Variants in GPR137B observed in about 807,000 individuals in gnomAD.
The protein encoded by GPR137B is integral membrane protein GPR137B.
GPR137B carries 42 observed loss-of-function variants against 42.5 expected under a neutral mutation model. That is an observed-to-expected ratio of 0.99 (90% confidence interval 0.77 to 1.28). The LOEUF is 1.28. GPR137B is among the 50% of genes most tolerant of loss of function. GPR137B has a pLI of 0.00. For missense variants in GPR137B, 487 were observed against 493.9 expected (o/e 0.99, Z 0.13); for synonymous variants, 218 against 209.7 (o/e 1.04, Z -0.34).
chr1:236,170,078 T>C (rs943877005), intron 2 of GPR137B, among the ~76,000 whole-genome samples: 13 of 147,902 alleles, frequency 8.8e-5, no homozygotes, highest in African/African-American at 3.3e-4. Flanking sequence ...TGGTCAGGTT[T>C]GACTGGGGTT....
intron 1 of GPR137B, among the ~76,000 whole-genome samples, chr1:236,162,938 GC>G (rs1662240384): frequency 2.0e-5 from 3 of 152,336 alleles, no homozygotes; most frequent in Admixed American, 2.0e-4. Flanking sequence ...TGAGAAGAGG[GC>G]CACTGTCCTC....
At position 236,157,814 on chromosome 1, in the gene GPR137B, C is replaced by A. The variant is rs143462374; in HGVS notation, c.415-10892C>A. ...CCCATGCAGTTCAAACCCATGCTGC[C>A]CAGGGGCCAACTGCACTGTGCCTTA... On this transcript the variant is annotated intron_variant, in intron 1 of 6. Transcript: ENST00000366592. Among the ~76,000 whole-genome samples the A allele has an allele frequency of 2.4e-4, 36 of 152,232 alleles. No homozygotes were observed. In the East Asian group the frequency reaches 6.9e-3, roughly 29 times the overall value.
chr1:236,180,691 A>G (rs1662847313), intron 4 of GPR137B, among the ~76,000 whole-genome samples: 1 of 150,358 alleles, frequency 6.7e-6, no homozygotes, highest in Admixed American at 6.6e-5. Flanking sequence ...CTGGAGTGCA[A>G]TGGCGCGACC....
intron 1 of GPR137B, among the ~76,000 whole-genome samples, chr1:236,159,740 C>T (rs1424337626): frequency 6.6e-6 from 1 of 152,232 alleles, no homozygotes; most frequent in Admixed American, 6.5e-5. Flanking sequence ...GCTCAAAGGC[C>T]TTTATGCTTC....
intron 1 of GPR137B, among the ~76,000 whole-genome samples, chr1:236,166,535 A>G (rs1217010131): frequency 7.0e-6 from 1 of 143,270 alleles, no homozygotes; most frequent in Non-Finnish European, 1.5e-5. Context: ...ATTTATATAT[A>G]TACAGGTGTA....
At chr1:236,168,113 G>A (rs1474996343) in intron 1 of GPR137B, among the ~76,000 whole-genome samples, 1 of 150,818 alleles carries the variant, frequency 6.6e-6, no homozygotes, top group Non-Finnish European at 1.5e-5. Flanking sequence ...AAAGAGAGTG[G>A]ACTGTTTGTT....
chr1:236,149,691 G>A (rs559374450), intron 1 of GPR137B, among the ~76,000 whole-genome samples: 1 of 152,390 alleles, frequency 6.6e-6, no homozygotes, highest in East Asian at 1.9e-4. Context: ...AGAAGTAAGA[G>A]GCTTAGGAAA....
At position 236,146,145 on chromosome 1, in the gene GPR137B, A is replaced by G. The variant is rs537730380; in HGVS notation, c.414+3109A>G. ...AGTGCCGTGATTACAGGTGTGAGCC[A>G]CCGCGCCTGGCCATGAAACCTCTTA... On this transcript the variant is annotated intron_variant, in intron 1 of 6. Coordinates refer to ENST00000366592, the MANE Select transcript of GPR137B (RefSeq NM_003272.4). Among the ~76,000 whole-genome samples, 195 of 152,296 alleles carry G rather than the reference A, an allele frequency of 1.3e-3. 2 individuals carry two copies. In the South Asian group the frequency reaches 0.016, roughly 13 times the overall value.
At chr1:236,145,379 G>T (rs1479601322) in intron 1 of GPR137B, among the ~76,000 whole-genome samples, 13 of 152,308 alleles carry the variant, frequency 8.5e-5, no homozygotes, top group African/African-American at 2.4e-4. Context: ...AGAAGGGGCT[G>T]ACAGCTAACA....
chr1:236,194,995 A>G (rs1426734935), intron 5 of GPR137B, among the ~76,000 whole-genome samples: 1 of 152,158 alleles, frequency 6.6e-6, no homozygotes, highest in Non-Finnish European at 1.5e-5. Flanking sequence ...AGGTACATAG[A>G]TAATAGGTGT....
chr1:236,175,990 G>A (rs901451486), intron 2 of GPR137B, among the ~76,000 whole-genome samples: 5 of 152,148 alleles, frequency 3.3e-5, no homozygotes, highest in African/African-American at 4.8e-5. Context: ...GATCCCGACC[G>A]TGGAAACATG....
intron 4 of GPR137B, among the ~76,000 whole-genome samples, chr1:236,182,093 A>G (rs2102912993): frequency 6.6e-6 from 1 of 152,116 alleles, no homozygotes; most frequent in African/African-American, 2.4e-5. Flanking sequence ...GGGTTTCATC[A>G]TATAGGCCAG....
rs112456517 is a variant in GPR137B at position 236,170,592 on chromosome 1, G to A, written c.464+1837G>A. 7.1e-3 allele frequency among the ~76,000 whole-genome samples: 1,074 copies of A among 152,284 alleles called. 12 individuals are homozygous for A. Among genetic ancestry groups the A allele is most frequent in the African/African-American group, 0.024 (1,001 of 41,546 alleles). On this transcript the variant is annotated intron_variant, in intron 2 of 6. Coordinates refer to ENST00000366592, the MANE Select transcript of GPR137B (RefSeq NM_003272.4). ...TGAAATGATGTTGGTCCCAAGGAGA[G>A]CAATTTAAAGTACAGGTTGAGTGTC...
At chr1:236,145,087 C>T (rs1258488576) in intron 1 of GPR137B, among the ~76,000 whole-genome samples, 1 of 152,222 alleles carries the variant, frequency 6.6e-6, no homozygotes, top group Non-Finnish European at 1.5e-5. Flanking sequence ...CGCCTGAGGG[C>T]ACAGGGTGGC....
rs1055479635 is a variant in GPR137B, at chr1:236,157,357, G to A, written c.415-11349G>A. Among the ~76,000 whole-genome samples, 6 of 152,084 alleles carry A rather than the reference G, an allele frequency of 3.9e-5. No homozygotes were observed. The East Asian group carries it at 1.2e-3, about 29-fold the overall frequency. On this transcript the variant is annotated intron_variant, in intron 1 of 6. Coordinates refer to ENST00000366592, the MANE Select transcript of GPR137B (RefSeq NM_003272.4). ...TCCTGCCTCAGTCTCCCCAGTGGCT[G>A]GGACTACAGGCGCCCGCCACCACGC...
At chr1:236,182,432 C>T (rs58423955) in intron 4 of GPR137B, among the ~76,000 whole-genome samples, 1,799 of 152,086 alleles carry the variant, frequency 0.012, 48 homozygotes, top group African/African-American at 0.042. Context: ...CTTTACTTTC[C>T]TAATCTTGCT....
At chr1:236,151,080 C>T (rs977961088) in intron 1 of GPR137B, among the ~76,000 whole-genome samples, 1 of 152,210 alleles carries the variant, frequency 6.6e-6, no homozygotes, top group Non-Finnish European at 1.5e-5. Flanking sequence ...CAGGCTGTTC[C>T]TGTTGGCCTT....
chr1:236,202,634 T>C (rs774396869), intron 5 of GPR137B, among the ~76,000 whole-genome samples: 2 of 151,774 alleles, frequency 1.3e-5, no homozygotes, highest in African/African-American at 2.4e-5. Flanking sequence ...ATAGAATAGA[T>C]GAACAGAATC....
At chr1:236,185,780 CACTT>C (rs1353346295) in intron 5 of GPR137B, among the ~76,000 whole-genome samples, 2 of 152,124 alleles carry the variant, frequency 1.3e-5, no homozygotes, top group Non-Finnish European at 2.9e-5. Context: ...AGATGTAACT[CACTT>C]ACATAATTCA....
Sources: gnomAD v4.1 joint callset for allele counts (sites outside exome capture counted in the v4.1 genomes callset) on GRCh38, gnomAD v4.1.1 for gene constraint, MANE v1.5 for transcripts, NCBI Gene and HGNC (gene_info 2026-07-23, HGNC 2026-07-21) for gene names.